The following PPP2R2C variants were observed in gnomAD, a reference collection of about 807,000 sequenced individuals.
PPP2R2C encodes the protein protein phosphatase 2, regulatory subunit B, gamma.
In PPP2R2C, 10 loss-of-function variants were observed where a neutral mutation model predicts 45.3. That is an observed-to-expected ratio of 0.22 (90% CI 0.14 to 0.37). The LOEUF is 0.37. Among genes scored for constraint, PPP2R2C ranks in the 10% least tolerant of loss-of-function variants. The probability of loss-of-function intolerance (pLI) is 1.00; values close to 1 mark genes in which losing one functional copy is unlikely to be tolerated. For missense variants in PPP2R2C, 308 were observed against 619.7 expected, an observed-to-expected ratio of 0.50 and a Z score of 5.34; for synonymous variants, 257 against 245.4, an observed-to-expected ratio of 1.05 and a Z score of -0.44.
chr4:6,506,026 C>T (rs545522633), intron 2 of PPP2R2C, among the ~76,000 whole-genome samples: 41 of 152,190 alleles, frequency 2.7e-4, no homozygotes, highest in African/African-American at 8.4e-4. Context: ...ATACTGCTTA[C>T]TGCAACAATG....
At chr4:6,401,005 T>C (rs7438559) in intron 1 of PPP2R2C, among the ~76,000 whole-genome samples, 72,408 of 152,030 alleles carry the variant, frequency 0.48, 17,947 homozygotes, top group East Asian at 0.86. Flanking sequence ...CCACACACGT[T>C]GGTCAAGTGG....
At chr4:6,484,497 G>T (rs557961439) in intron 2 of PPP2R2C, among the ~76,000 whole-genome samples, 1 of 148,580 alleles carries the variant, frequency 6.7e-6, no homozygotes, top group Non-Finnish European at 1.5e-5. Flanking sequence ...ATTTTAGAAT[G>T]AGTTTTTCAG....
At chr4:6,442,854 C>T (rs771214213) in intron 1 of PPP2R2C, among the ~76,000 whole-genome samples, 10 of 152,326 alleles carry the variant, frequency 6.6e-5, no homozygotes, top group Non-Finnish European at 1.2e-4. Flanking sequence ...GCCCCAGCAC[C>T]GAGCAGCTAG....
rs1577237538 is a variant in PPP2R2C at position 6,522,467 on chromosome 4, G to A, written c.49+12804C>T. On this transcript the variant is annotated intron_variant, in intron 2 of 9. Transcript: ENST00000506140. Reference sequence around the variant, plus strand: ...AGACCTGAGATTCCAAGACCCTCATGCTTCCCAAGCACCTGCTTCCAGAGC... The same window carrying A: ...AGACCTGAGATTCCAAGACCCTCATACTTCCCAAGCACCTGCTTCCAGAGC... 4.6e-5 allele frequency among the ~76,000 whole-genome samples: 7 copies of A among 152,368 alleles called. 2 individuals are homozygous for A. The highest frequency in any genetic ancestry group is 4.6e-4 in the Admixed American group (7 of 15,308).
chr4:6,322,064 G>C lies in PPP2R2C; in HGVS notation c.*1238C>G, dbSNP rs1400469672. 2 of 152,132 alleles carry C rather than the reference G, an allele frequency of 1.3e-5. No individual in the cohort carries two copies. Among genetic ancestry groups the C allele is most frequent in the Non-Finnish European group, 2.9e-5 (2 of 68,062 alleles). The allele number at this position is 152,132 out of a possible 1,614,324, so 9.4% of individuals were successfully genotyped here. Reference sequence around the variant, plus strand: ...CGAGGAGCTCCGGGGGGTCTTCTCTGTCTTCCATCCTGCGTCTCAGTTCTC... The same window carrying C: ...CGAGGAGCTCCGGGGGGTCTTCTCTCTCTTCCATCCTGCGTCTCAGTTCTC... On this transcript the variant is annotated 3_prime_UTR_variant, in exon 9 of 9. Transcript: ENST00000382599. This position sits in a 1 kb window ranked among gnomAD's most constrained non-coding sequence, Gnocchi z 7.8.
At chr4:6,418,837 C>T (rs570106177) in intron 1 of PPP2R2C, among the ~76,000 whole-genome samples, 22 of 152,318 alleles carry the variant, frequency 1.4e-4, no homozygotes, top group African/African-American at 5.0e-4. Context: ...AGCAAATCTC[C>T]CCCGAGCTCG....
At chr4:6,434,285 T>C (rs1354833053) in intron 1 of PPP2R2C, among the ~76,000 whole-genome samples, 1 of 152,194 alleles carries the variant, frequency 6.6e-6, no homozygotes, top group Non-Finnish European at 1.5e-5. Context: ...ATTTCCATTC[T>C]TTCCCATTAC....
chr4:6,506,648 G>A (rs1723244925), intron 2 of PPP2R2C, among the ~76,000 whole-genome samples: 1 of 152,224 alleles, frequency 6.6e-6, no homozygotes, highest in African/African-American at 2.4e-5. Context: ...CTACTGTTGT[G>A]TAACAAACAG....
At chr4:6,449,066 C>A (rs182919267) in intron 1 of PPP2R2C, among the ~76,000 whole-genome samples, 2 of 152,280 alleles carry the variant, frequency 1.3e-5, no homozygotes, top group Non-Finnish European at 2.9e-5. Context: ...CAGAACCTGT[C>A]AGAAGGAAGG....
chr4:6,549,172 T>TGTGGG (rs1445329259), intron 1 of PPP2R2C, among the ~76,000 whole-genome samples: 1 of 152,172 alleles, frequency 6.6e-6, no homozygotes, highest in African/African-American at 2.4e-5. Context: ...AGTCATCCCC[T>TGTGGG]GGTTCTCACT....
At position 6,372,599 on chromosome 4, in the gene PPP2R2C, A is replaced by G. The variant is rs759977783; in HGVS notation, c.549T>C (p.Ser183=). Residue 183 remains serine, a synonymous_variant, in exon 5 of 9, where the codon AGT becomes AGC. Coordinates refer to ENST00000382599, the MANE Select transcript of PPP2R2C (RefSeq NM_020416.4). ...CCGCCGACATGTAGGTCTCGCAGTC[A>G]CTGTTGACGGAGATGGAGTTGATGT... is the stretch of plus-strand genomic sequence containing the variant. The part of the protein sequence containing the change: ...TYHINSISVN[S]DCETYMSADD... 8 of 1,613,926 alleles carry G rather than the reference A, an allele frequency of 5.0e-6. No individual in the cohort carries two copies. In the Admixed American group the frequency reaches 1.0e-4, roughly 20 times the overall value.
intron 1 of PPP2R2C, among the ~76,000 whole-genome samples, chr4:6,453,672 A>C (rs544705547): frequency 1.3e-4 from 20 of 152,322 alleles, no homozygotes; most frequent in African/African-American, 3.4e-4. Flanking sequence ...AAGGCTGAAC[A>C]AACAAGATGA....
chr4:6,563,779 G>C (rs1454936100), upstream of PPP2R2C, among the ~76,000 whole-genome samples: 1 of 144,566 alleles, frequency 6.9e-6, no homozygotes, highest in Non-Finnish European at 1.5e-5. This position sits in a 1 kb window ranked among gnomAD's most constrained non-coding sequence, Gnocchi z 5.8. Context: ...CGACCGCGAC[G>C]GGCGTCCTCC....
At chr4:6,427,269 A>G (rs1719380998) in intron 1 of PPP2R2C, among the ~76,000 whole-genome samples, 1 of 152,256 alleles carries the variant, frequency 6.6e-6, no homozygotes, top group African/African-American at 2.4e-5. Context: ...GAGCTGGAGA[A>G]TGAAGGACAG....
At chr4:6,366,490 C>CA (rs1714320288) in intron 5 of PPP2R2C, among the ~76,000 whole-genome samples, 1 of 152,234 alleles carries the variant, frequency 6.6e-6, no homozygotes, top group Non-Finnish European at 1.5e-5. Flanking sequence ...AGAGAGGCCT[C>CA]ACCCTGGGTT....
At chr4:6,354,257 C>A (rs975770167) in intron 5 of PPP2R2C, among the ~76,000 whole-genome samples, 1 of 151,850 alleles carries the variant, frequency 6.6e-6, no homozygotes, top group East Asian at 2.0e-4. Flanking sequence ...ACTTGCCCAG[C>A]GTGCTGCCCC....
At chr4:6,483,593 T>C (rs576077556) in intron 2 of PPP2R2C, among the ~76,000 whole-genome samples, 1 of 152,246 alleles carries the variant, frequency 6.6e-6, no homozygotes, top group African/African-American at 2.4e-5. Context: ...GAAATGTCTG[T>C]TCAGACATTT....
intron 1 of PPP2R2C, chr4:6,381,931 T>A (rs1197182831): frequency 6.4e-7 from 1 of 1,552,402 alleles, no homozygotes. Context: ...GTCACAGAGA[T>A]GAGTGGCCTG....
intron 2 of PPP2R2C, among the ~76,000 whole-genome samples, chr4:6,483,794 ATTAATTT>A (rs1179731162): frequency 6.6e-6 from 1 of 152,070 alleles, no homozygotes; most frequent in Non-Finnish European, 1.5e-5. Flanking sequence ...GGCCAAATTT[ATTAATTT>A]TTAATTTTAT....
Sources: allele counts gnomAD v4.1 joint callset (sites outside exome capture counted in the v4.1 genomes callset), GRCh38; gene constraint gnomAD v4.1.1; non-coding constraint Gnocchi (gnomAD v3.1); transcripts MANE v1.5; gene names NCBI Gene and HGNC (gene_info 2026-07-23, HGNC 2026-07-21).